Variants in GPC3 observed in about 807,000 individuals in gnomAD.
GPC3 encodes the protein glypican 3.
Under a neutral mutation model 34.4 loss-of-function variants are expected in GPC3, and 3 were observed. That is an observed-to-expected ratio of 0.09 (90% CI 0.04 to 0.23). The LOEUF (loss-of-function observed/expected upper bound fraction) is 0.23, where lower values mean the gene tolerates loss of function less well. Among genes scored for constraint, GPC3 ranks in the 10% least tolerant of loss-of-function variants. GPC3 has a pLI of 1.00. For synonymous variants in GPC3, 177 were observed against 174.0 expected (o/e 1.02, Z -0.13); for missense variants, 351 against 445.6 (o/e 0.79, Z 1.91).
chrX:133,980,133 T>A (rs193251635), intron 1 of GPC3, among the ~76,000 whole-genome samples: 1 of 112,126 alleles, frequency 8.9e-6, no homozygotes, highest in Non-Finnish European at 1.9e-5. Context: ...GCTGTAATAA[T>A]TGTTGATCGT....
At chrX:133,825,430 T>C (rs944134435) in intron 2 of GPC3, among the ~76,000 whole-genome samples, 3 of 111,409 alleles carry the variant, frequency 2.7e-5, no homozygotes, top group African/African-American at 9.8e-5. Flanking sequence ...ATGTGACCCA[T>C]TGGGAGGTTA....
chrX:133,904,097 C>T (rs900933344), intron 2 of GPC3, among the ~76,000 whole-genome samples: 1 of 112,202 alleles, frequency 8.9e-6, no homozygotes, highest in African/African-American at 3.2e-5. Context: ...TTTCAAATAA[C>T]TCAGTGTACA....
chrX:133,547,457 GAAT>G (rs890375621), intron 7 of GPC3, among the ~76,000 whole-genome samples: 1 of 110,885 alleles, frequency 9.0e-6, no homozygotes, highest in African/African-American at 3.3e-5. Context: ...GTCTGTGTGT[GAAT>G]ATACCTGATA....
At chrX:133,775,661 A>G (rs911956556) in intron 2 of GPC3, among the ~76,000 whole-genome samples, 2 of 111,659 alleles carry the variant, frequency 1.8e-5, no homozygotes, top group Non-Finnish European at 3.8e-5. Context: ...GGATGTGTAT[A>G]TTGACAAGGA....
chrX:133,782,092 A>C (rs979231549), intron 2 of GPC3, among the ~76,000 whole-genome samples: 1 of 111,477 alleles, frequency 9.0e-6, no homozygotes, highest in Admixed American at 9.6e-5. Flanking sequence ...GAGAAGTAAC[A>C]GCTCTGAATG....
chrX:133,733,919 A>AG (rs1329932895), intron 3 of GPC3, among the ~76,000 whole-genome samples: 1 of 112,180 alleles, frequency 8.9e-6, no homozygotes, highest in Non-Finnish European at 1.9e-5. Flanking sequence ...CACAAAAAAA[A>AG]GCATAGGATC....
chrX:133,650,644 C>T (rs1181742850), intron 6 of GPC3, among the ~76,000 whole-genome samples: 2 of 111,410 alleles, frequency 1.8e-5, no homozygotes, highest in African/African-American at 6.5e-5. Flanking sequence ...ATTTAAACAA[C>T]ACTCCAAACT....
intron 2 of GPC3, among the ~76,000 whole-genome samples, chrX:133,863,126 T>C (rs1178472751): frequency 8.9e-6 from 1 of 112,717 alleles, no homozygotes; most frequent in East Asian, 2.8e-4. Context: ...GGGTCAATAG[T>C]AATTGGTCTC....
intron 2 of GPC3, among the ~76,000 whole-genome samples, chrX:133,935,006 C>T (rs1259124155): frequency 9.0e-6 from 1 of 111,704 alleles, no homozygotes; most frequent in Admixed American, 9.5e-5. Flanking sequence ...AGAACATGCT[C>T]AGTACATACA....
At chrX:133,852,738 T>C (rs2124560579) in intron 2 of GPC3, among the ~76,000 whole-genome samples, 1 of 110,987 alleles carries the variant, frequency 9.0e-6, no homozygotes, top group South Asian at 3.9e-4. Flanking sequence ...TGGCATTTTA[T>C]CCCCTCAATG....
At chrX:133,775,830 A>G (rs1198667042) in intron 2 of GPC3, among the ~76,000 whole-genome samples, 6 of 112,196 alleles carry the variant, frequency 5.3e-5, no homozygotes, top group Non-Finnish European at 9.4e-5. Flanking sequence ...CATGATATCT[A>G]ATAATTACAA....
chrX:133,765,583 A>C (rs2124489338), intron 2 of GPC3, among the ~76,000 whole-genome samples: 1 of 111,626 alleles, frequency 9.0e-6, no homozygotes, highest in African/African-American at 3.2e-5. Flanking sequence ...TAGGACAATT[A>C]ATGTGTGCAT....
At chrX:133,716,485 A>G (rs2071314848) in intron 3 of GPC3, among the ~76,000 whole-genome samples, 1 of 112,467 alleles carries the variant, frequency 8.9e-6, no homozygotes, top group East Asian at 2.8e-4. Flanking sequence ...CTTTTTTTTA[A>G]GAAGAACCAA....
At chrX:133,979,520 T>C (rs1035353450) in intron 1 of GPC3, among the ~76,000 whole-genome samples, 3 of 112,050 alleles carry the variant, frequency 2.7e-5, no homozygotes, top group Non-Finnish European at 3.8e-5. Flanking sequence ...CTTCTTTACT[T>C]TGTATATTCA....
At chrX:133,937,882 A>C (rs1024043186) in intron 2 of GPC3, among the ~76,000 whole-genome samples, 4 of 112,173 alleles carry the variant, frequency 3.6e-5, no homozygotes, top group African/African-American at 1.3e-4. Flanking sequence ...AGCTTATAAC[A>C]TAAAACATGT....
At chrX:133,704,245 T>C in intron 3 of GPC3, 1 of 1,105,809 alleles carries the variant, frequency 9.0e-7, no homozygotes, top group Non-Finnish European at 1.2e-6. Context: ...GATAGGATAT[T>C]TGAAGTGCCA....
At chrX:133,847,596 C>T (rs1185827295) in intron 2 of GPC3, among the ~76,000 whole-genome samples, 1 of 112,074 alleles carries the variant, frequency 8.9e-6, no homozygotes, top group Admixed American at 9.5e-5. Flanking sequence ...AAAGAAAGAT[C>T]TTTTACAACA....
intron 1 of GPC3, among the ~76,000 whole-genome samples, chrX:133,969,551 T>C (rs893440332): frequency 9.0e-6 from 1 of 111,551 alleles, no homozygotes; most frequent in East Asian, 2.8e-4. Context: ...GGGCACTGAA[T>C]ACCCTAAAAT....
chrX:133,560,662 T>C (rs903413744), intron 7 of GPC3, among the ~76,000 whole-genome samples: 2 of 108,077 alleles, frequency 1.9e-5, no homozygotes, highest in Admixed American at 2.0e-4. Flanking sequence ...TTGCTTGAAC[T>C]GGGGAGGTGG....
Sources: allele counts gnomAD v4.1 joint callset (sites outside exome capture counted in the v4.1 genomes callset), GRCh38; gene constraint gnomAD v4.1.1; transcripts MANE v1.5; gene names NCBI Gene and HGNC (gene_info 2026-07-23, HGNC 2026-07-21).